BAG1: variants seen among roughly 807,000 people sequenced by gnomAD.
BAG1 encodes BAG cochaperone 1, also known as BAG family molecular chaperone regulator 1.
BAG1 carries 35 observed loss-of-function variants against 35.5 expected under a neutral mutation model. The observed-to-expected ratio is 0.99, with a 90% CI of 0.75 to 1.31. The LOEUF (loss-of-function observed/expected upper bound fraction) is 1.31, where lower values mean the gene tolerates loss of function less well. BAG1 is among the 50% of genes most tolerant of loss of function. The pLI is 0.00. For missense variants in BAG1, 464 were observed against 453.6 expected, an observed-to-expected ratio of 1.02 and a Z score of -0.21; for synonymous variants, 191 against 178.9, an observed-to-expected ratio of 1.07 and a Z score of -0.54.
chr9:33,258,297 T>C (rs1372230874), intron 4 of BAG1, among the ~76,000 whole-genome samples: 7 of 12,106 alleles, frequency 5.8e-4, no homozygotes, highest in Admixed American at 4.5e-3. Flanking sequence ...AGACTCCATA[T>C]CAAAAAAAAA....
chr9:33,256,218 T>C (rs1820450254), intron 5 of BAG1, among the ~76,000 whole-genome samples: 1 of 152,222 alleles, frequency 6.6e-6, no homozygotes. Flanking sequence ...TTCCTATGTA[T>C]GGATACTCTG....
chr9:33,261,733 C>A (rs1820574822), intron 2 of BAG1, among the ~76,000 whole-genome samples: 1 of 152,064 alleles, frequency 6.6e-6, no homozygotes, highest in Admixed American at 6.5e-5. Context: ...TTACTAAATT[C>A]TTTATAATGA....
Position 33,255,032 on chromosome 9 carries a change from CAGAT to C in BAG1, c.*183_*186del, listed in dbSNP as rs766467311. 146 of 1,536,026 alleles carry C rather than the reference CAGAT, an allele frequency of 9.5e-5. No homozygotes were observed. Among genetic ancestry groups the C allele is most frequent in the Non-Finnish European group, 1.2e-4 (135 of 1,137,526 alleles). ...CAACCACAGAGACAGAAGGAGAAAA[CAGAT>C]AGGAGCTTTACTCAAAATCACAAAG... On this transcript the variant is annotated 3_prime_UTR_variant, in exon 7 of 7. Transcript: ENST00000634734.
intron 2 of BAG1, among the ~76,000 whole-genome samples, chr9:33,261,748 C>T (rs970497800): frequency 1.2e-4 from 19 of 152,134 alleles, no homozygotes; most frequent in Non-Finnish European, 2.1e-4. Context: ...TAATGACTGA[C>T]ACCCAATGGG....
At chr9:33,257,164 A>G (rs1257015308) in intron 4 of BAG1, 2 of 443,324 alleles carry the variant, frequency 4.5e-6, no homozygotes, top group Non-Finnish European at 8.0e-6. Flanking sequence ...GCTTGGCTCC[A>G]GTGAAGCCCC....
rs1427389389 is a variant in BAG1 at position 33,262,799 on chromosome 9, G to A, written c.483C>T (p.Ser161=). Residue 161 remains serine, a synonymous_variant, in exon 2 of 7, where the codon TCC becomes TCT. Transcript: ENST00000634734. ...CAACTGGTTCACTGCTGCCCTGCTG[G>A]GAGGTAACATGAAGGTCGTGCTTCT... is the stretch of plus-strand genomic sequence containing the variant. 10 of 1,614,078 alleles carry A rather than the reference G, an allele frequency of 6.2e-6. No homozygotes were observed. In the South Asian group the frequency reaches 1.1e-4, roughly 18 times the overall value.
chr9:33,263,206 G>A (rs1222023542), intron 1 of BAG1, among the ~76,000 whole-genome samples: 1 of 152,206 alleles, frequency 6.6e-6, no homozygotes, highest in Non-Finnish European at 1.5e-5. Flanking sequence ...ATCAGAAGTT[G>A]ATATCAGATC....
At chr9:33,259,461 T>A (rs1820524596) in intron 3 of BAG1, 1 of 153,938 alleles carries the variant, frequency 6.5e-6, no homozygotes. Flanking sequence ...CACCTAGAAA[T>A]AACAGTTTTA....
At chr9:33,263,889 T>A (rs528263580) in intron 1 of BAG1, among the ~76,000 whole-genome samples, 3 of 151,432 alleles carry the variant, frequency 2.0e-5, no homozygotes, top group African/African-American at 7.3e-5. Flanking sequence ...CACGGAGCAG[T>A]CGTAGACCAC....
chr9:33,255,625 T>C (rs1430113724), intron 6 of BAG1, among the ~76,000 whole-genome samples: 1 of 152,254 alleles, frequency 6.6e-6, no homozygotes, highest in Non-Finnish European at 1.5e-5. Flanking sequence ...CCTGGAATTG[T>C]GTAATGTGTC....
At chr9:33,260,000 C>T (rs2117957058) in intron 3 of BAG1, 1 of 152,260 alleles carries the variant, frequency 6.6e-6, no homozygotes, top group South Asian at 2.1e-4. Context: ...TAAGTTCAGA[C>T]TTTTTTCTTT....
intron 6 of BAG1, 126 bp from the exon 7 acceptor site, chr9:33,255,434 G>C: frequency 6.8e-7 from 1 of 1,465,768 alleles, no homozygotes; most frequent in Non-Finnish European, 9.3e-7. Flanking sequence ...GTGCATGAAT[G>C]GAGATGGGCC....
intron 1 of BAG1, among the ~76,000 whole-genome samples, chr9:33,263,306 C>A (rs7856357): frequency 1.3e-5 from 2 of 152,192 alleles, no homozygotes; most frequent in Admixed American, 1.3e-4. Flanking sequence ...TTGGTCTCGT[C>A]TCGCTTGCTG....
At chr9:33,263,321 G>A (rs1327859532) in intron 1 of BAG1, among the ~76,000 whole-genome samples, 1 of 152,156 alleles carries the variant, frequency 6.6e-6, no homozygotes. Flanking sequence ...TTGCTGTAAT[G>A]GGCAAGTGAC....
chr9:33,263,730 T>A (rs1820631803), intron 1 of BAG1, among the ~76,000 whole-genome samples: 1 of 152,066 alleles, frequency 6.6e-6, no homozygotes, highest in Non-Finnish European at 1.5e-5. Context: ...TGACTTCATT[T>A]GGTGGTGTGT....
In BAG1 at chr9:33,252,774, C is replaced by G. The variant is rs1455896738; in HGVS notation, c.*2445G>C. ...GAGAGGATCCCACCTGGGGGCTGGA[C>G]AGGGTCTCAACACAGTAGGTGAGGG... is the stretch of plus-strand genomic sequence containing the variant. On this transcript the variant is annotated 3_prime_UTR_variant, in exon 7 of 7. Transcript: ENST00000634734. The G allele has an allele frequency of 6.6e-6, 1 of 152,050 alleles. No individual in the cohort carries two copies. The highest frequency in any genetic ancestry group is 1.5e-5 in the Non-Finnish European group (1 of 68,050). The allele number at this position is 152,050 out of a possible 1,614,324, so 9.4% of individuals were successfully genotyped here.
At position 33,261,124 on chromosome 9, in the gene BAG1, A is replaced by G. The variant is rs201889975; in HGVS notation, c.626T>C (p.Ile209Thr). ...TAACATGACCCGGCAACCATCTTGT[A>G]TTCCAAGTGCTGACAACGGTGTTTC... The change falls in exon 3 of 7, where the codon ATA (isoleucine) becomes ACA (threonine). Residue 209 changes from isoleucine to threonine, a missense_variant. Transcript: ENST00000634734. The G allele has an allele frequency of 8.8e-5, 142 of 1,611,002 alleles. No individual in the cohort carries two copies. The highest frequency in any genetic ancestry group is 9.2e-5 in the Non-Finnish European group (109 of 1,178,988).
At position 33,252,566 on chromosome 9, in the gene BAG1, T is replaced by C. The variant is rs908765823; in HGVS notation, c.*2653A>G. The stretch of plus-strand genomic sequence containing the variant: ...TGTTATATATGTTATGTTATATATA[T>C]ATATGTTATATATGTAATATAACTA... On this transcript the variant is annotated 3_prime_UTR_variant, in exon 7 of 7. Transcript: ENST00000634734. 4 of 149,746 alleles carry C rather than the reference T, an allele frequency of 2.7e-5. No homozygotes were observed. The highest frequency in any genetic ancestry group is 9.8e-5 in the African/African-American group (4 of 40,954). 9.3% of individuals were successfully genotyped at this position (149,746 alleles called of 1,614,324 possible).
chr9:33,264,441 G>C lies in BAG1; in HGVS notation c.234C>G (p.Arg78=), dbSNP rs1433523915. The C allele has an allele frequency of 6.8e-6, 11 of 1,613,576 alleles. No individual in the cohort carries two copies. Among genetic ancestry groups the C allele is most frequent in the African/African-American group, 1.3e-5 (1 of 74,930 alleles). The change falls in exon 1 of 7, where the codon CGC becomes CGG. Residue 78 remains arginine, a synonymous_variant. Coordinates refer to ENST00000634734, the MANE Select transcript of BAG1 (RefSeq NM_004323.6). ...TCAACTCCTCGCTCCGGGTCGAGCG[G>C]CGCCGGGTTTTCTTCTTCATCCGCG...
Sources: allele counts gnomAD v4.1 joint callset (sites outside exome capture counted in the v4.1 genomes callset), GRCh38; gene constraint gnomAD v4.1.1; transcripts MANE v1.5; gene names NCBI Gene and HGNC (gene_info 2026-07-23, HGNC 2026-07-21).